Variants in ANKRD11 observed in about 807,000 individuals in gnomAD.
The protein encoded by ANKRD11 is ankyrin repeat domain-containing protein 11.
ANKRD11 carries 17 observed loss-of-function variants against 195.7 expected under a neutral mutation model. That is an observed-to-expected ratio of 0.09 (90% CI 0.06 to 0.13). The LOEUF (loss-of-function observed/expected upper bound fraction) is 0.13. Ranked by LOEUF, ANKRD11 falls within the 10% of genes least tolerant of loss-of-function variation. ANKRD11 has a pLI of 1.00. For synonymous variants in ANKRD11, 1,953 were observed against 1,528.1 expected, an observed-to-expected ratio of 1.28 and a Z score of -6.49; for missense variants, 3,735 against 3,566.1, an observed-to-expected ratio of 1.05 and a Z score of -1.21.
In ANKRD11 at chr16:89,280,266, C is replaced by T; in HGVS notation, c.6276G>A (p.Val2092=). Residue 2092 remains valine, a synonymous_variant, in exon 9 of 13, where the codon GTG becomes GTA. Transcript: ENST00000301030. The stretch of plus-strand genomic sequence containing the variant: ...TATTTTCCAGGGGCCCCAGAGCCTC[C>T]ACCTGAGCCACAGCGGCTACACAGG... ...EPACVAAVAQ[V]EALGPLENSF... 3 of 1,609,052 alleles carry T rather than the reference C, an allele frequency of 1.9e-6. No homozygotes were observed. Among genetic ancestry groups the T allele is most frequent in the Non-Finnish European group, 2.5e-6 (3 of 1,179,270 alleles).
intron 2 of ANKRD11, among the ~76,000 whole-genome samples, chr16:89,392,893 G>C (rs1040085742): frequency 6.6e-6 from 1 of 151,916 alleles, no homozygotes; most frequent in African/African-American, 2.4e-5. Flanking sequence ...GAGTGAACTT[G>C]TGTCTAATCA....
chr16:89,323,994 C>T (rs1407653458), intron 2 of ANKRD11: 1 of 224,450 alleles, frequency 4.5e-6, no homozygotes, highest in African/African-American at 2.4e-5. Flanking sequence ...CAGGTTCAAA[C>T]CAAACCCCCA....
rs141077755 is a variant in ANKRD11, at chr16:89,442,201, G to T, written c.-144-23833C>A. 5.0e-3 allele frequency among the ~76,000 whole-genome samples: 768 copies of T among 152,340 alleles called. 6 individuals are homozygous for T. The highest frequency in any genetic ancestry group is 0.017 in the African/African-American group (713 of 41,572). On this transcript the variant is annotated intron_variant, in intron 1 of 12. Coordinates refer to ENST00000301030, the MANE Select transcript of ANKRD11 (RefSeq NM_013275.6). The stretch of plus-strand genomic sequence containing the variant: ...GAGGGAGGACACCCCAGCTGACAAC[G>T]CACGCCCACTGGTGCCAGTGCTTTG...
At chr16:89,446,390 G>A (rs1031869689) in intron 1 of ANKRD11, among the ~76,000 whole-genome samples, 6 of 152,178 alleles carry the variant, frequency 3.9e-5, no homozygotes, top group Non-Finnish European at 7.3e-5. Context: ...GATCGCTTGA[G>A]CCCTGGAGTT....
intron 2 of ANKRD11, among the ~76,000 whole-genome samples, chr16:89,334,438 G>A (rs903800741): frequency 6.6e-6 from 1 of 152,122 alleles, no homozygotes; most frequent in African/African-American, 2.4e-5. Flanking sequence ...ATTCTCTGAG[G>A]AGTCCTCTCT....
intron 4 of ANKRD11, among the ~76,000 whole-genome samples, chr16:89,304,188 C>T (rs976580426): frequency 3.3e-5 from 5 of 152,218 alleles, no homozygotes; most frequent in African/African-American, 9.6e-5. Flanking sequence ...CAGCTCAAGA[C>T]AGAATCCACT....
chr16:89,319,764 G>A (rs1046924735), intron 2 of ANKRD11, among the ~76,000 whole-genome samples: 2 of 152,216 alleles, frequency 1.3e-5, no homozygotes, highest in African/African-American at 2.4e-5. Context: ...CCCAGGACCC[G>A]CCTGCAGGCA....
At chr16:89,336,760 T>G (rs577598301) in intron 2 of ANKRD11, among the ~76,000 whole-genome samples, 12 of 152,250 alleles carry the variant, frequency 7.9e-5, no homozygotes, top group African/African-American at 2.9e-4. Flanking sequence ...ATGTTCTGAC[T>G]ACATGAGAGA....
At chr16:89,351,505 G>T (rs1388680956) in intron 2 of ANKRD11, among the ~76,000 whole-genome samples, 11 of 152,190 alleles carry the variant, frequency 7.2e-5, no homozygotes, top group Admixed American at 7.2e-4. Context: ...CGTATTCAAA[G>T]AGGATCCTAG....
At chr16:89,392,546 G>A (rs1333453010) in intron 2 of ANKRD11, 2 of 152,040 alleles carry the variant, frequency 1.3e-5, no homozygotes, top group Non-Finnish European at 2.9e-5. Flanking sequence ...GCCACGCTGA[G>A]ATGCTCCAGG....
intron 2 of ANKRD11, among the ~76,000 whole-genome samples, chr16:89,343,418 A>G (rs2038788223): frequency 6.6e-6 from 1 of 152,248 alleles, no homozygotes; most frequent in African/African-American, 2.4e-5. Flanking sequence ...AGTAAAAATC[A>G]GCTCAGATTT....
At chr16:89,459,030 A>G (rs2056557148) in intron 1 of ANKRD11, 1 of 156,720 alleles carries the variant, frequency 6.4e-6, no homozygotes, top group Admixed American at 6.4e-5. Flanking sequence ...ACTATACTAA[A>G]CAAGGGAAGA....
At chr16:89,411,552 G>A (rs558174371) in intron 2 of ANKRD11, among the ~76,000 whole-genome samples, 3 of 152,112 alleles carry the variant, frequency 2.0e-5, no homozygotes, top group East Asian at 3.9e-4. Flanking sequence ...TAACCATGAC[G>A]ACAGGCACAC....
intron 2 of ANKRD11, among the ~76,000 whole-genome samples, chr16:89,380,776 CG>C (rs2040609531): frequency 1.3e-5 from 2 of 152,212 alleles, no homozygotes; most frequent in African/African-American, 4.8e-5. Context: ...ATCTCCTGCA[CG>C]GGCAGCAGGG....
At chr16:89,408,436 G>A (rs951130617) in intron 2 of ANKRD11, among the ~76,000 whole-genome samples, 9 of 152,242 alleles carry the variant, frequency 5.9e-5, no homozygotes, top group East Asian at 1.9e-4. Flanking sequence ...TACACAGGCC[G>A]TTAGAAACGG....
At chr16:89,330,439 G>T (rs537276677) in intron 2 of ANKRD11, among the ~76,000 whole-genome samples, 5 of 152,252 alleles carry the variant, frequency 3.3e-5, no homozygotes, top group Admixed American at 3.3e-4. Flanking sequence ...TCTGGCAGAA[G>T]GCCCAAATTC....
At chr16:89,352,347 G>A (rs570212221) in intron 2 of ANKRD11, among the ~76,000 whole-genome samples, 1 of 151,858 alleles carries the variant, frequency 6.6e-6, no homozygotes, top group Admixed American at 6.6e-5. Flanking sequence ...GAAGCCAGGG[G>A]TCTAGGCACC....
chr16:89,342,707 G>A (rs889818652), intron 2 of ANKRD11, among the ~76,000 whole-genome samples: 2 of 152,170 alleles, frequency 1.3e-5, no homozygotes, highest in Non-Finnish European at 2.9e-5. Flanking sequence ...CTATTTATGG[G>A]CCCTACAGAA....
chr16:89,326,729 A>G (rs1336916949), intron 2 of ANKRD11, among the ~76,000 whole-genome samples: 1 of 152,160 alleles, frequency 6.6e-6, no homozygotes, highest in Admixed American at 6.5e-5. Flanking sequence ...GTGACAGAGC[A>G]AGACCCTGTG....
Sources: gnomAD v4.1 joint callset for allele counts (sites outside exome capture counted in the v4.1 genomes callset) on GRCh38, gnomAD v4.1.1 for gene constraint, MANE v1.5 for transcripts, NCBI Gene and HGNC (gene_info 2026-07-23, HGNC 2026-07-21) for gene names.